TDP1: variants seen among roughly 807,000 people sequenced by gnomAD.
TDP1 encodes tyrosyl-DNA phosphodiesterase 1, also known as tyr-DNA phosphodiesterase 1.
TDP1 carries 64 observed loss-of-function variants against 81.5 expected under a neutral mutation model. The observed-to-expected ratio is 0.79, with a 90% CI of 0.64 to 0.97. The LOEUF is 0.97. Ranked by LOEUF, TDP1 falls within the 50% of genes least tolerant of loss-of-function variation. TDP1 has a pLI of 0.00. For missense variants in TDP1, 723 were observed against 743.8 expected (o/e 0.97, Z 0.33); for synonymous variants, 256 against 264.3 (o/e 0.97, Z 0.30).
chr14:89,978,541 A>G (rs1894612222), intron 7 of TDP1, among the ~76,000 whole-genome samples: 1 of 152,196 alleles, frequency 6.6e-6, no homozygotes, highest in South Asian at 2.1e-4. Context: ...GCATTCTTCA[A>G]GGGAGATCTC....
intron 14 of TDP1, among the ~76,000 whole-genome samples, chr14:90,011,398 C>T (rs1371848966): frequency 6.6e-6 from 1 of 152,120 alleles, no homozygotes; most frequent in Non-Finnish European, 1.5e-5. Flanking sequence ...CAGAAGAAGA[C>T]AGGAAAATGT....
At chr14:89,981,929 G>C (rs923068253) in intron 8 of TDP1, among the ~76,000 whole-genome samples, 2 of 151,572 alleles carry the variant, frequency 1.3e-5, no homozygotes, top group Admixed American at 1.3e-4. Context: ...CCAAAGTGCT[G>C]AGATTACAGG....
chr14:89,960,276 T>G (rs367867580), intron 2 of TDP1, among the ~76,000 whole-genome samples: 196 of 150,690 alleles, frequency 1.3e-3, no homozygotes, highest in African/African-American at 3.9e-3. Context: ...GTTTTGTGGG[T>G]TTTTTTTTCA....
intron 16 of TDP1, among the ~76,000 whole-genome samples, chr14:90,039,457 C>T (rs1281667457): frequency 6.6e-6 from 1 of 152,122 alleles, no homozygotes; most frequent in East Asian, 1.9e-4. Context: ...TTAAAAGTGA[C>T]TGCTCAGGCG....
chr14:89,961,812 G>A lies in TDP1; in HGVS notation c.-7-1296G>A, dbSNP rs932252713. Among the ~76,000 whole-genome samples the A allele has an allele frequency of 4.6e-5, 7 of 152,222 alleles. No individual in the cohort carries two copies. In the East Asian group the frequency reaches 1.2e-3, roughly 25 times the overall value. On this transcript the variant is annotated intron_variant, in intron 2 of 16. Coordinates refer to ENST00000335725, the MANE Select transcript of TDP1 (RefSeq NM_018319.4). ...TTGGGGAATGTAGGTTTTGTGAAGG[G>A]AGTGTCACCATCTTGGTTTACTCCA...
chr14:89,964,897 A>C (rs1459360594), intron 3 of TDP1: 1 of 442,646 alleles, frequency 2.3e-6, no homozygotes, highest in African/African-American at 2.0e-5. Context: ...TGGATAAATG[A>C]TGCATCTGCA....
chr14:89,976,092 T>G (rs1894275514), intron 7 of TDP1, among the ~76,000 whole-genome samples: 3 of 152,228 alleles, frequency 2.0e-5, no homozygotes, highest in Non-Finnish European at 4.4e-5. Flanking sequence ...CTATTTATTC[T>G]AACTTTAATT....
At chr14:89,958,053 C>T (rs1347424101) in intron 2 of TDP1, among the ~76,000 whole-genome samples, 2 of 152,300 alleles carry the variant, frequency 1.3e-5, no homozygotes, top group South Asian at 2.1e-4. Context: ...AGTGCTGGCC[C>T]AGTCACAGGC....
At chr14:90,008,161 C>T (rs562180746) in intron 14 of TDP1, among the ~76,000 whole-genome samples, 2 of 152,178 alleles carry the variant, frequency 1.3e-5, no homozygotes, top group Non-Finnish European at 2.9e-5. Context: ...AAATTATTGG[C>T]TATTATCATT....
At chr14:90,041,202 A>G (rs1888319342) in intron 16 of TDP1, among the ~76,000 whole-genome samples, 1 of 152,254 alleles carries the variant, frequency 6.6e-6, no homozygotes. Flanking sequence ...GTCCAAGCAC[A>G]GATGGAGTTT....
At chr14:89,978,650 C>T (rs1000494626) in intron 7 of TDP1, among the ~76,000 whole-genome samples, 3 of 152,222 alleles carry the variant, frequency 2.0e-5, no homozygotes, top group South Asian at 4.1e-4. Context: ...GTTCATAATT[C>T]TATTTGATAG....
chr14:89,983,367 G>A (rs553699168), intron 8 of TDP1: 50 of 232,498 alleles, frequency 2.2e-4, no homozygotes, highest in South Asian at 2.1e-3. Flanking sequence ...TCCCCAGGGT[G>A]GGAAGCAGGG....
chr14:89,985,067 T>C, intron 9 of TDP1, 65 bp from the exon 10 acceptor site: 2 of 1,402,216 alleles, frequency 1.4e-6, no homozygotes, highest in Admixed American at 1.9e-5. Context: ...GTGTATTTTG[T>C]CATTTTTTTT....
chr14:90,006,119 A>C (rs929135852), intron 14 of TDP1, among the ~76,000 whole-genome samples: 2 of 152,138 alleles, frequency 1.3e-5, no homozygotes, highest in African/African-American at 4.8e-5. Flanking sequence ...TGAGGAACAA[A>C]GTGAGGTTGC....
chr14:89,958,706 C>T (rs559012759), intron 2 of TDP1, among the ~76,000 whole-genome samples: 12 of 152,254 alleles, frequency 7.9e-5, no homozygotes, highest in Non-Finnish European at 1.3e-4. Flanking sequence ...GTTATCAATC[C>T]GGTCCGTGGA....
intron 8 of TDP1, among the ~76,000 whole-genome samples, chr14:89,982,910 A>G (rs1051589858): frequency 6.6e-6 from 1 of 152,210 alleles, no homozygotes; most frequent in Non-Finnish European, 1.5e-5. Context: ...TGGTTCTGCT[A>G]ATCCCCTTCA....
At chr14:90,011,696 C>T (rs1884726675) in intron 14 of TDP1, among the ~76,000 whole-genome samples, 1 of 152,148 alleles carries the variant, frequency 6.6e-6, no homozygotes, top group Admixed American at 6.5e-5. Flanking sequence ...GGGTATCTGG[C>T]AGAAGAAATT....
At chr14:89,962,836 C>T (rs911451867) in intron 2 of TDP1, 2 of 830,974 alleles carry the variant, frequency 2.4e-6, no homozygotes, top group Non-Finnish European at 2.9e-6. Flanking sequence ...TGAACCACTG[C>T]ACCACTCCAG....
chr14:89,971,025 G>A (rs1211294863), intron 5 of TDP1, 150 bp from the exon 6 acceptor site: 12 of 649,846 alleles, frequency 1.8e-5, no homozygotes, highest in Non-Finnish European at 2.8e-5. Context: ...TAGTAGAGAC[G>A]GGGTTTCACC....
Sources: gnomAD v4.1 joint callset for allele counts (sites outside exome capture counted in the v4.1 genomes callset) on GRCh38, gnomAD v4.1.1 for gene constraint, MANE v1.5 for transcripts, NCBI Gene and HGNC (gene_info 2026-07-23, HGNC 2026-07-21) for gene names.